The following HSD17B4 variants were observed in gnomAD, a reference collection of about 807,000 sequenced individuals.
HSD17B4 encodes the protein peroxisomal multifunctional enzyme type 2.
A neutral mutation model predicts 101.0 loss-of-function variants in HSD17B4; 70 were observed. That is an observed-to-expected ratio of 0.69 (90% CI 0.57 to 0.85). HSD17B4 has a LOEUF of 0.85. Ranked by LOEUF, HSD17B4 falls within the 40% of genes least tolerant of loss-of-function variation. HSD17B4 has a pLI of 0.00. For missense variants in HSD17B4, 984 were observed against 892.4 expected (o/e 1.10, Z -1.31); for synonymous variants, 347 against 297.1 (o/e 1.17, Z -1.73).
chr5:119,459,326 C>G (rs1275020462), intron 2 of HSD17B4, among the ~76,000 whole-genome samples: 1 of 152,150 alleles, frequency 6.6e-6, no homozygotes, highest in African/African-American at 2.4e-5. Flanking sequence ...AAATTAAAGA[C>G]TTTCGGAAAG....
Position 119,525,897 on chromosome 5 carries a change from A to C in HSD17B4, c.1574-20A>C, listed in dbSNP as rs1245928569. On this transcript the variant is annotated intron_variant, in intron 18 of 23. Coordinates refer to ENST00000510025, the MANE Select transcript of HSD17B4 (RefSeq NM_000414.4). The stretch of plus-strand genomic sequence containing the variant: ...CTTTAAAGGTACCTGTATCTAACTC[A>C]GTGTTCTCTCTTTTCCTAGGTTTTG... 7.2e-7 allele frequency: 1 copy of C among 1,384,298 alleles called. No homozygotes were observed. The highest frequency in any genetic ancestry group is 1.0e-6 in the Non-Finnish European group (1 of 970,742). The allele number at this position is 1,384,298 out of a possible 1,614,324, so 85.8% of individuals were successfully genotyped here.
At chr5:119,474,700 C>T (rs1365550277) in intron 4 of HSD17B4, among the ~76,000 whole-genome samples, 2 of 151,952 alleles carry the variant, frequency 1.3e-5, no homozygotes, top group East Asian at 1.9e-4. Flanking sequence ...AACTTACGAG[C>T]GTTTACTCAG....
At chr5:119,460,231 G>A (rs1242939717) in intron 2 of HSD17B4, among the ~76,000 whole-genome samples, 1 of 152,154 alleles carries the variant, frequency 6.6e-6, no homozygotes, top group Non-Finnish European at 1.5e-5. Flanking sequence ...GTGAGTTTTG[G>A]AGGGGCTAAA....
intron 22 of HSD17B4, among the ~76,000 whole-genome samples, chr5:119,532,713 A>G (rs1169203974): frequency 1.3e-5 from 2 of 152,120 alleles, no homozygotes; most frequent in Non-Finnish European, 2.9e-5. Flanking sequence ...GCAACGGTAA[A>G]AAATCGGAGG....
chr5:119,461,402 T>C (rs911219202), intron 2 of HSD17B4, among the ~76,000 whole-genome samples: 1 of 152,204 alleles, frequency 6.6e-6, no homozygotes, highest in African/African-American at 2.4e-5. Context: ...ATTATAATCA[T>C]GTAATTGTCA....
intron 12 of HSD17B4, among the ~76,000 whole-genome samples, chr5:119,498,523 A>G (rs1750855476): frequency 6.6e-6 from 1 of 152,232 alleles, no homozygotes; most frequent in Admixed American, 6.5e-5. Flanking sequence ...AGAAAAAGAC[A>G]ACATCCAGTT....
chr5:119,528,106 ATTTTC>A lies in HSD17B4; in HGVS notation c.1767+891_1767+895del, dbSNP rs1753762110. Reference sequence around the variant, plus strand: ...TGAGAACCTATAAACTGGCAATAGTATTTTCTTTAATATGCATAATAAATCTGTAT... The same window carrying A: ...TGAGAACCTATAAACTGGCAATAGTATTTAATATGCATAATAAATCTGTAT... On this transcript the variant is annotated intron_variant, in intron 20 of 23. Transcript: ENST00000510025. Among the ~76,000 whole-genome samples, 3 of 152,122 alleles carry A rather than the reference ATTTTC, an allele frequency of 2.0e-5. No individual in the cohort carries two copies. In the South Asian group the frequency reaches 6.2e-4, roughly 32 times the overall value.
chr5:119,524,181 C>A (rs1753367660), intron 17 of HSD17B4, among the ~76,000 whole-genome samples: 2 of 151,786 alleles, frequency 1.3e-5, no homozygotes, highest in South Asian at 4.2e-4. Flanking sequence ...AATATTGAGT[C>A]ATTGGGAAAG....
At chr5:119,455,491 T>G (rs1415639443) in intron 1 of HSD17B4, among the ~76,000 whole-genome samples, 1 of 151,120 alleles carries the variant, frequency 6.6e-6, no homozygotes, top group Non-Finnish European at 1.5e-5. Context: ...CACTCCAGCC[T>G]GGGCGACAGA....
At chr5:119,536,798 G>A (rs1222950450) in intron 23 of HSD17B4, among the ~76,000 whole-genome samples, 1 of 151,950 alleles carries the variant, frequency 6.6e-6, no homozygotes, top group Non-Finnish European at 1.5e-5. Flanking sequence ...GTGTTCAAAG[G>A]TGAAAAACCA....
At chr5:119,479,350 C>T (rs890266539) in intron 8 of HSD17B4, among the ~76,000 whole-genome samples, 2 of 151,800 alleles carry the variant, frequency 1.3e-5, no homozygotes, top group African/African-American at 4.8e-5. Flanking sequence ...TAGAGCAGTT[C>T]TAGATTTACA....
chr5:119,466,673 T>A (rs1013797606), intron 2 of HSD17B4, among the ~76,000 whole-genome samples: 1 of 152,112 alleles, frequency 6.6e-6, no homozygotes, highest in Non-Finnish European at 1.5e-5. Context: ...TTATTTGTGT[T>A]TTCTCTTTTT....
intron 23 of HSD17B4, among the ~76,000 whole-genome samples, chr5:119,538,644 C>A (rs139251695): frequency 3.9e-4 from 59 of 152,306 alleles, no homozygotes; most frequent in African/African-American, 1.3e-3. Context: ...TCCCATGCCA[C>A]TTGCCCCATC....
At chr5:119,455,374 G>T (rs1754510435) in intron 1 of HSD17B4, among the ~76,000 whole-genome samples, 1 of 152,062 alleles carries the variant, frequency 6.6e-6, no homozygotes, top group Non-Finnish European at 1.5e-5. Flanking sequence ...AAAATTAGCT[G>T]GGCGTGGTGG....
rs371700181 is a variant in HSD17B4 at position 119,525,898 on chromosome 5, G to A, written c.1574-19G>A. 272 of 1,402,328 alleles carry A rather than the reference G, an allele frequency of 1.9e-4. No individual in the cohort carries two copies. The highest frequency in any genetic ancestry group is 2.5e-4 in the Non-Finnish European group (251 of 987,268). 86.9% of individuals were successfully genotyped at this position (1,402,328 alleles called of 1,614,324 possible). A position where few individuals can be genotyped will look rare whatever the true frequency, so the allele number is the denominator to read the frequency against. On this transcript the variant is annotated intron_variant, in intron 18 of 23. Transcript: ENST00000510025. ...TTTAAAGGTACCTGTATCTAACTCA[G>A]TGTTCTCTCTTTTCCTAGGTTTTGA...
At chr5:119,507,088 A>T (rs796386309) in intron 15 of HSD17B4, among the ~76,000 whole-genome samples, 199 bp downstream of exon 15, 3 of 152,314 alleles carry the variant, frequency 2.0e-5, no homozygotes, top group African/African-American at 7.2e-5. Context: ...TTAGGCTGGG[A>T]AGGGTGAGGC....
chr5:119,530,864 C>CGA (rs1754028557), intron 21 of HSD17B4, among the ~76,000 whole-genome samples: 1 of 100,612 alleles, frequency 9.9e-6, no homozygotes, highest in Non-Finnish European at 1.9e-5. Flanking sequence ...AAAAAAAAAA[C>CGA]AAAAAACAAA....
At chr5:119,529,806 A>G in intron 20 of HSD17B4, 88 bp from the exon 21 acceptor site, 2 of 798,330 alleles carry the variant, frequency 2.5e-6, no homozygotes, top group Non-Finnish European at 4.3e-6. Context: ...GGCAAAAATA[A>G]TAAATTTTAA....
chr5:119,514,514 T>A (rs1050275118), intron 16 of HSD17B4, among the ~76,000 whole-genome samples: 3 of 152,192 alleles, frequency 2.0e-5, no homozygotes, highest in African/African-American at 7.2e-5. Context: ...ATTTTAAGTG[T>A]TGGCATTAAG....
Sources: allele counts gnomAD v4.1 joint callset (sites outside exome capture counted in the v4.1 genomes callset), GRCh38; gene constraint gnomAD v4.1.1; transcripts MANE v1.5; gene names NCBI Gene and HGNC (gene_info 2026-07-23, HGNC 2026-07-21).